The following EBF1 variants were observed in gnomAD, a reference collection of about 807,000 sequenced individuals.
EBF1 encodes the protein transcription factor COE1.
In EBF1, 10 loss-of-function variants were observed where a neutral mutation model predicts 68.4. That is an observed-to-expected ratio of 0.15 (90% confidence interval 0.09 to 0.25). The LOEUF (loss-of-function observed/expected upper bound fraction) is 0.25. Among genes scored for constraint, EBF1 ranks in the 10% least tolerant of loss-of-function variants. The pLI is 1.00. For missense variants in EBF1, 509 were observed against 794.4 expected (o/e 0.64, Z 4.32); for synonymous variants, 298 against 299.8 (o/e 0.99, Z 0.06).
At chr5:158,866,827 GTATATGTATATATATATATATATA>G (rs1562162117) in intron 6 of EBF1, among the ~76,000 whole-genome samples, 4 of 58,344 alleles carry the variant, frequency 6.9e-5, no homozygotes, top group African/African-American at 2.9e-4. Context: ...GTATATATAT[GTATATGTATATATATATATATATA>G]TATATATATA....
chr5:158,936,910 G>A (rs1056921184), intron 6 of EBF1, among the ~76,000 whole-genome samples: 4 of 152,194 alleles, frequency 2.6e-5, no homozygotes, highest in Non-Finnish European at 4.4e-5. Context: ...ACTGTGGCTA[G>A]TCATAGGAAG....
chr5:159,077,005 G>T (rs999842853), intron 5 of EBF1, among the ~76,000 whole-genome samples: 1 of 152,210 alleles, frequency 6.6e-6, no homozygotes, highest in Non-Finnish European at 1.5e-5. Context: ...ACTATTCAAA[G>T]TATGGCCCCA....
At chr5:158,984,921 G>C (rs1203417954) in intron 6 of EBF1, 6 of 151,870 alleles carry the variant, frequency 4.0e-5, no homozygotes, top group African/African-American at 1.5e-4. Context: ...CTGACCTCGT[G>C]ATCCACCCAC....
chr5:158,822,714 C>G (rs781461184), intron 8 of EBF1, among the ~76,000 whole-genome samples: 1 of 152,132 alleles, frequency 6.6e-6, no homozygotes, highest in Non-Finnish European at 1.5e-5. Context: ...CAGGTGGTCA[C>G]AGAGATACAC....
At chr5:159,049,077 C>T (rs576568118) in intron 6 of EBF1, among the ~76,000 whole-genome samples, 1 of 152,304 alleles carries the variant, frequency 6.6e-6, no homozygotes, top group African/African-American at 2.4e-5. Context: ...GCTCCTTTTT[C>T]CAACCTTAGC....
chr5:158,794,506 T>G (rs2127739076), intron 9 of EBF1, among the ~76,000 whole-genome samples: 1 of 152,284 alleles, frequency 6.6e-6, no homozygotes, highest in African/African-American at 2.4e-5. Flanking sequence ...TGTGTCCTTA[T>G]TCCATATTCA....
intron 6 of EBF1, among the ~76,000 whole-genome samples, chr5:158,864,067 A>G (rs1396070706): frequency 6.6e-6 from 1 of 151,970 alleles, no homozygotes; most frequent in Non-Finnish European, 1.5e-5. Context: ...GCCCATCTCT[A>G]CTAAAAATAC....
At chr5:159,084,556 A>G (rs1780306497) in intron 5 of EBF1, 110 bp downstream of exon 5, 13 of 911,596 alleles carry the variant, frequency 1.4e-5, no homozygotes, top group East Asian at 2.9e-5. Flanking sequence ...CTATAGAAGC[A>G]AGACAAATGT....
chr5:158,934,882 C>T (rs1176285315), intron 6 of EBF1, among the ~76,000 whole-genome samples: 1 of 152,168 alleles, frequency 6.6e-6, no homozygotes, highest in African/African-American at 2.4e-5. Flanking sequence ...TGATTGCACT[C>T]ATTGCAAGTC....
At chr5:158,865,147 A>T (rs1795658494) in intron 6 of EBF1, among the ~76,000 whole-genome samples, 1 of 152,184 alleles carries the variant, frequency 6.6e-6, no homozygotes, top group African/African-American at 2.4e-5. Context: ...AACCTATTTT[A>T]GTTATCCACC....
At chr5:158,721,751 A>G (rs1392635981) in intron 11 of EBF1, among the ~76,000 whole-genome samples, 2 of 152,180 alleles carry the variant, frequency 1.3e-5, no homozygotes, top group Non-Finnish European at 2.9e-5. Context: ...TGAGGTGCCA[A>G]GCTTCCCTTT....
At chr5:158,721,330 G>A (rs984583983) in intron 11 of EBF1, among the ~76,000 whole-genome samples, 11 of 152,088 alleles carry the variant, frequency 7.2e-5, no homozygotes, top group African/African-American at 1.7e-4. Flanking sequence ...GTAAGCTAAC[G>A]CGGCTATATC....
chr5:158,953,948 C>T (rs182140070), intron 6 of EBF1, among the ~76,000 whole-genome samples: 10 of 152,256 alleles, frequency 6.6e-5, no homozygotes, highest in Admixed American at 2.0e-4. Flanking sequence ...TGCACAAAAG[C>T]GGGGATTTTA....
At position 158,907,759 on chromosome 5, in the gene EBF1, A is replaced by G. The variant is rs1017657428; in HGVS notation, c.555-67649T>C. ...TACAGTAGCAATTAATGTCAACAAT[A>G]TAAAAAAAAAACAAATGCTCAAAGG... On this transcript the variant is annotated intron_variant, in intron 6 of 15. Transcript: ENST00000313708. Among the ~76,000 whole-genome samples the G allele has an allele frequency of 2.7e-5, 4 of 147,850 alleles. No homozygotes were observed. In the East Asian group the frequency reaches 7.9e-4, roughly 29 times the overall value.
intron 6 of EBF1, among the ~76,000 whole-genome samples, chr5:158,926,557 C>T (rs1809732337): frequency 6.6e-6 from 1 of 151,858 alleles, no homozygotes; most frequent in East Asian, 1.9e-4. Context: ...AACCCCGTCT[C>T]TACTAAAAAT....
intron 1 of EBF1, 124 bp from the exon 2 acceptor site, chr5:159,097,254 G>T: frequency 8.9e-7 from 1 of 1,118,114 alleles, no homozygotes; most frequent in Admixed American, 2.6e-5. Flanking sequence ...TCCAGTGGGC[G>T]CTCTTCACGC....
In EBF1 at chr5:159,097,019, C is replaced by A; in HGVS notation, c.246G>T (p.Val82=). The change falls in exon 2 of 16, where the codon GTG becomes GTT. Residue 82 remains valine (V), a synonymous_variant. Transcript: ENST00000313708. ...CCACAAACGCTGTCCTCTCGATCTC[C>A]ACGGGCTGGCCCTGTCTGTCGTAGA... The part of the protein sequence containing the change: ...LALYDRQGQP[V]EIERTAFVGF... The A allele has an allele frequency of 6.2e-7, 1 of 1,614,094 alleles. No homozygotes were observed.
chr5:159,038,000 T>C (rs911090969), intron 6 of EBF1, among the ~76,000 whole-genome samples: 1 of 152,046 alleles, frequency 6.6e-6, no homozygotes, highest in African/African-American at 2.4e-5. Context: ...AGTGCCAGAG[T>C]GGCAAGAGAG....
At chr5:158,876,785 T>C (rs141700212) in intron 6 of EBF1, among the ~76,000 whole-genome samples, 1 of 152,340 alleles carries the variant, frequency 6.6e-6, no homozygotes, top group African/African-American at 2.4e-5. Context: ...TATGCTTTGA[T>C]AGCCCCCTTT....
Sources: gnomAD v4.1 joint callset for allele counts (sites outside exome capture counted in the v4.1 genomes callset) on GRCh38, gnomAD v4.1.1 for gene constraint, MANE v1.5 for transcripts, NCBI Gene and HGNC (gene_info 2026-07-23, HGNC 2026-07-21) for gene names.